The following MYH3 variants were observed in gnomAD, a reference collection of about 807,000 sequenced individuals.
The protein encoded by MYH3 is myosin heavy chain 3.
Under a neutral mutation model 238.0 loss-of-function variants are expected in MYH3, and 130 were observed. The observed-to-expected ratio is 0.55, with a 90% CI of 0.47 to 0.63. The LOEUF is 0.63. Among genes scored for constraint, MYH3 ranks in the 30% least tolerant of loss-of-function variants. MYH3 has a pLI of 0.00. For missense variants in MYH3, 1,853 were observed against 2,374.9 expected (o/e 0.78, Z 4.57); for synonymous variants, 880 against 924.1 (o/e 0.95, Z 0.86).
intron 5 of MYH3, 53 bp downstream of exon 5, chr17:10,651,459 C>T (rs959177089): frequency 8.3e-5 from 134 of 1,611,476 alleles, no homozygotes; most frequent in African/African-American, 4.9e-4. Context: ...AACTGCCGCT[C>T]GCCTCATGCA....
chr17:10,671,666 G>A, the MYH3 span, among the ~76,000 whole-genome samples: 11 of 132,736 alleles, frequency 8.3e-5, no homozygotes, highest in East Asian at 2.5e-4. Flanking sequence ...TGCAAGCTCC[G>A]CCTCCCGGGT....
rs2074244680 is a variant in MYH3 at position 10,639,084 on chromosome 17, G to A, written c.3208C>T (p.Leu1070=). 6.2e-7 allele frequency: 1 copy of A among 1,614,060 alleles called. No individual in the cohort carries two copies. The highest frequency in any genetic ancestry group is 1.3e-5 in the African/African-American group (1 of 74,928). ...LKLAQESILD[L]ENDKQQLDER... ...TCCAGCTGTTGCTTGTCATTCTCCA[G>A]ATCTAATATGGACTCTTGAGCAAGC... Residue 1070 remains leucine (L), a synonymous_variant, in exon 25 of 41, where the codon CTG becomes TTG. Transcript: ENST00000583535.
intron 14 of MYH3, among the ~76,000 whole-genome samples, chr17:10,643,231 G>A (rs2074289481): frequency 6.6e-6 from 1 of 152,034 alleles, no homozygotes; most frequent in African/African-American, 2.4e-5. Context: ...CATCTCTTGT[G>A]TACTTTATTT....
chr17:10,669,674 TG>T, the MYH3 span, among the ~76,000 whole-genome samples: 2 of 151,586 alleles, frequency 1.3e-5, no homozygotes, highest in Non-Finnish European at 2.9e-5. Flanking sequence ...GAGGCCGAGA[TG>T]GGAGGGTCTC....
At chr17:10,650,164 G>A (rs894445162) in intron 6 of MYH3, among the ~76,000 whole-genome samples, 2 of 151,818 alleles carry the variant, frequency 1.3e-5, no homozygotes, top group East Asian at 3.9e-4. Context: ...TTTAGTAGAG[G>A]CAGGGTTTCA....
chr17:10,638,336 C>T lies in MYH3; in HGVS notation c.3436G>A (p.Glu1146Lys), dbSNP rs1351684695. The part of the protein sequence containing the change: ...QRSDYARELE[E>K]LSERLEEAGG... ...GCCTCCTCCAGCCGCTCGCTCAGCT[C>T]CTCCAGCTCCCGGGCATAGTCGCTG... The change falls in exon 27 of 41, where the codon GAG (glutamate) becomes AAG (lysine). Residue 1146 changes from glutamate to lysine, a missense_variant. Physicochemically the swap from Glu to Lys is moderately conservative, Grantham distance 56 (BLOSUM62 1). Transcript: ENST00000583535. The T allele has an allele frequency of 6.2e-7, 1 of 1,611,158 alleles. No homozygotes were observed. The highest frequency in any genetic ancestry group is 1.3e-5 in the African/African-American group (1 of 74,890).
the MYH3 span, among the ~76,000 whole-genome samples, chr17:10,663,976 T>C: frequency 6.7e-6 from 1 of 150,240 alleles, no homozygotes; most frequent in Non-Finnish European, 1.5e-5. Context: ...GGCAGGAGAA[T>C]TGCTTGAACC....
At chr17:10,660,678 G>A (rs1365241578), upstream of MYH3, among the ~76,000 whole-genome samples, 247 of 134,434 alleles carry the variant, frequency 1.8e-3, 1 homozygote, top group African/African-American at 5.5e-3. Context: ...CTCTGACTCG[G>A]AAAAAAAAAA....
At chr17:10,671,928 G>C in the MYH3 span, among the ~76,000 whole-genome samples, 2 of 152,038 alleles carry the variant, frequency 1.3e-5, no homozygotes, top group East Asian at 3.9e-4. Context: ...ATTTCCTTAT[G>C]AATTTGTAAA....
the MYH3 span, among the ~76,000 whole-genome samples, chr17:10,667,539 G>A: frequency 6.6e-6 from 1 of 152,138 alleles, no homozygotes; most frequent in Admixed American, 6.5e-5. Context: ...AAATTAGCCG[G>A]GTGTTGTGAC....
intron 9 of MYH3, 23 bp downstream of exon 9, chr17:10,647,340 C>T (rs553480952): frequency 2.7e-5 from 44 of 1,614,002 alleles, no homozygotes; most frequent in Admixed American, 5.0e-5. Flanking sequence ...GAGACGCCAT[C>T]GAATCCCCAT....
upstream of MYH3, chr17:10,658,727 AC>A (rs1435578385): frequency 3.3e-5 from 5 of 152,238 alleles, no homozygotes; most frequent in Non-Finnish European, 7.3e-5. Flanking sequence ...TCCACCAGCC[AC>A]TGAGCGTTGC....
chr17:10,669,588 G>T, the MYH3 span, among the ~76,000 whole-genome samples: 1 of 150,210 alleles, frequency 6.7e-6, no homozygotes, highest in Non-Finnish European at 1.5e-5. Context: ...AAAAAAAGAG[G>T]AGTTGAACTA....
At chr17:10,674,517 A>G in the MYH3 span, 1 of 234,480 alleles carries the variant, frequency 4.3e-6, no homozygotes, top group Non-Finnish European at 8.5e-6. Flanking sequence ...TAAGTACCCC[A>G]GTGGTGTGAC....
chr17:10,654,825 G>T lies in MYH3; in HGVS notation c.204+36C>A, dbSNP rs962628210. On this transcript the variant is annotated intron_variant, in intron 3 of 40. Coordinates refer to ENST00000583535, the MANE Select transcript of MYH3 (RefSeq NM_002470.4). This position sits in a 1 kb window ranked among gnomAD's most constrained non-coding sequence, Gnocchi z 4.5. ...CCCAGGCAAGCACAAGGACCAGGTG[G>T]AGGGCCAGCAGCCTGTGGAGGGTAC... 3 of 1,600,872 alleles carry T rather than the reference G, an allele frequency of 1.9e-6. No individual in the cohort carries two copies. Among genetic ancestry groups the T allele is most frequent in the African/African-American group, 1.3e-5 (1 of 74,630 alleles).
In MYH3 at chr17:10,638,142, G is replaced by A. The variant is rs773722854; in HGVS notation, c.3630C>T (p.Asn1210=). The A allele has an allele frequency of 4.3e-6, 7 of 1,613,710 alleles. No individual in the cohort carries two copies. The highest frequency in any genetic ancestry group is 5.9e-6 in the Non-Finnish European group (7 of 1,179,986). The part of the protein sequence containing the change: ...SVAELGEQID[N]LQRVKQKLEK... ...CCAGCTTCTGCTTGACCCGCTGCAG[G>A]TTGTCAATCTGCTCCCCAAGCTCGG... The change falls in exon 27 of 41, where the codon AAC becomes AAT. Residue 1210 remains asparagine, a synonymous_variant. Transcript: ENST00000583535.
chr17:10,655,073 C>G lies in MYH3; in HGVS notation c.-8-1G>C, dbSNP rs372322359. 6.2e-7 allele frequency: 1 copy of G among 1,613,954 alleles called. No homozygotes were observed. The stretch of plus-strand genomic sequence containing the variant: ...TCAGTGTCACTACTCATGGTGTCAG[C>G]TGGAAGGCAAACCCACCCGGTGAGC... On this transcript the variant is annotated splice_acceptor_variant, in intron 2 of 40. Coordinates refer to ENST00000583535, the MANE Select transcript of MYH3 (RefSeq NM_002470.4). LOFTEE classifies it low-confidence loss of function (5UTR_SPLICE).
chr17:10,667,197 T>C, the MYH3 span, among the ~76,000 whole-genome samples: 31 of 152,338 alleles, frequency 2.0e-4, no homozygotes, highest in South Asian at 3.1e-3. Context: ...TTCCCTTCCA[T>C]TGGGAAAACC....
chr17:10,646,155 T>C, intron 10 of MYH3, 123 bp from the exon 11 acceptor site: 1 of 814,216 alleles, frequency 1.2e-6, no homozygotes. Context: ...AACTTAGAAT[T>C]AAAAATCTTT....
Sources: gnomAD v4.1 joint callset for allele counts (sites outside exome capture counted in the v4.1 genomes callset) on GRCh38, gnomAD v4.1.1 for gene constraint, Gnocchi (gnomAD v3.1) non-coding constraint, MANE v1.5 for transcripts, NCBI Gene and HGNC (gene_info 2026-07-23, HGNC 2026-07-21) for gene names.